AUTS2: variants seen among roughly 807,000 people sequenced by gnomAD.
AUTS2 encodes autism susceptibility gene 2 protein.
A neutral mutation model predicts 112.4 loss-of-function variants in AUTS2; 17 were observed. The ratio of observed to expected loss-of-function variants is 0.15; its 90% CI spans 0.10 to 0.23. The LOEUF (loss-of-function observed/expected upper bound fraction) is 0.23. AUTS2 is among the 10% of genes least tolerant of loss of function. The pLI is 1.00. For synonymous variants in AUTS2, 751 were observed against 702.7 expected (o/e 1.07, Z -1.09); for missense variants, 1,510 against 1,701.6 (o/e 0.89, Z 1.98).
intron 5 of AUTS2, among the ~76,000 whole-genome samples, chr7:70,545,862 G>C (rs1041114770): frequency 2.0e-5 from 3 of 152,260 alleles, no homozygotes; most frequent in East Asian, 1.9e-4. Flanking sequence ...TAGAAGGAGT[G>C]GGGGGAGTGG....
chr7:70,665,865 C>G (rs1372081320), intron 5 of AUTS2, among the ~76,000 whole-genome samples: 1 of 152,138 alleles, frequency 6.6e-6, no homozygotes, highest in Non-Finnish European at 1.5e-5. Context: ...GTCCTGGAAC[C>G]AATTCTTCAC....
In AUTS2 at chr7:70,607,379, C is replaced by G. The variant is rs543385107; in HGVS notation, c.691-91190C>G. Among the ~76,000 whole-genome samples the G allele has an allele frequency of 3.3e-5, 5 of 152,150 alleles. No individual in the cohort carries two copies. In the South Asian group the frequency reaches 8.3e-4, roughly 25 times the overall value. ...TGGAAAGCCTATATTTAAAAACGAA[C>G]CTAGTGGAGGTGTATGATACAGAGG... is the stretch of plus-strand genomic sequence containing the variant. On this transcript the variant is annotated intron_variant, in intron 5 of 18. Transcript: ENST00000342771.
chr7:70,222,142 C>T (rs1354846919), intron 4 of AUTS2, among the ~76,000 whole-genome samples: 2 of 152,108 alleles, frequency 1.3e-5, no homozygotes, highest in Non-Finnish European at 2.9e-5. Context: ...CTATTATGCT[C>T]CAGCATTTTA....
At chr7:70,211,348 T>A (rs200521617) in intron 4 of AUTS2, among the ~76,000 whole-genome samples, 19 of 95,326 alleles carry the variant, frequency 2.0e-4, no homozygotes, top group East Asian at 1.9e-3. Flanking sequence ...TTTTTTTTTT[T>A]AAAAGAAAAA....
chr7:70,000,885 G>A (rs1480142236), intron 2 of AUTS2, among the ~76,000 whole-genome samples: 1 of 151,952 alleles, frequency 6.6e-6, no homozygotes, highest in East Asian at 1.9e-4. Flanking sequence ...AGAAAAATTG[G>A]TAATGACTGA....
chr7:70,553,134 CT>C (rs1446848173), intron 5 of AUTS2, among the ~76,000 whole-genome samples: 1 of 152,174 alleles, frequency 6.6e-6, no homozygotes, highest in African/African-American at 2.4e-5. Flanking sequence ...GAAGAATGGA[CT>C]TGTCAGCAGA....
chr7:70,145,761 A>G (rs896163437), intron 4 of AUTS2, among the ~76,000 whole-genome samples: 3 of 152,094 alleles, frequency 2.0e-5, no homozygotes, highest in South Asian at 4.1e-4. Context: ...CTTGGGTCAC[A>G]TTTACTTCTG....
intron 4 of AUTS2, among the ~76,000 whole-genome samples, chr7:70,173,372 A>G (rs992744658): frequency 1.3e-5 from 2 of 152,074 alleles, no homozygotes; most frequent in Non-Finnish European, 2.9e-5. Context: ...AAAAAAAAAA[A>G]AAAGAAAGAG....
intron 1 of AUTS2, among the ~76,000 whole-genome samples, chr7:69,665,525 G>A (rs897185873): frequency 9.9e-5 from 15 of 152,180 alleles, no homozygotes; most frequent in South Asian, 6.2e-4. Flanking sequence ...CACTTACATA[G>A]TCAGGATCAT....
intron 5 of AUTS2, among the ~76,000 whole-genome samples, chr7:70,634,261 G>A (rs1805423299): frequency 6.6e-6 from 1 of 152,218 alleles, no homozygotes; most frequent in Admixed American, 6.5e-5. Flanking sequence ...TGTGAAAGGG[G>A]CGTGTGAGCC....
intron 4 of AUTS2, among the ~76,000 whole-genome samples, chr7:70,171,811 G>T (rs1210581759): frequency 6.6e-6 from 1 of 151,978 alleles, no homozygotes; most frequent in South Asian, 2.1e-4. Flanking sequence ...TGATTTTAAG[G>T]CTCACTTATC....
intron 4 of AUTS2, among the ~76,000 whole-genome samples, chr7:70,313,916 A>G (rs1023008673): frequency 6.6e-6 from 1 of 152,162 alleles, no homozygotes; most frequent in Non-Finnish European, 1.5e-5. Flanking sequence ...TCTCATAAAG[A>G]ACTCCCACAG....
chr7:70,397,111 T>C (rs1409369371), intron 4 of AUTS2, among the ~76,000 whole-genome samples: 1 of 151,908 alleles, frequency 6.6e-6, no homozygotes, highest in Non-Finnish European at 1.5e-5. Flanking sequence ...TTGCCCAAGC[T>C]GGAGCTCAAT....
intron 1 of AUTS2, among the ~76,000 whole-genome samples, chr7:69,707,845 T>C (rs1798137149): frequency 6.6e-6 from 1 of 152,208 alleles, no homozygotes; most frequent in Non-Finnish European, 1.5e-5. Flanking sequence ...TTAACCCCAT[T>C]TGGGCTTTGC....
intron 5 of AUTS2, among the ~76,000 whole-genome samples, chr7:70,553,766 T>TC: frequency 7.2e-6 from 1 of 138,042 alleles, no homozygotes; most frequent in African/African-American, 2.8e-5. Context: ...CTTTCTTTTT[T>TC]TTTTTTTTTT....
chr7:69,876,894 C>G (rs941033396), intron 1 of AUTS2, among the ~76,000 whole-genome samples: 5 of 152,024 alleles, frequency 3.3e-5, no homozygotes, highest in African/African-American at 1.2e-4. Flanking sequence ...TTCAGATAGG[C>G]AAATCTCTGA....
At chr7:70,416,267 A>G (rs1342838266) in intron 4 of AUTS2, among the ~76,000 whole-genome samples, 1 of 152,250 alleles carries the variant, frequency 6.6e-6, no homozygotes, top group Non-Finnish European at 1.5e-5. Context: ...TAGCATAACT[A>G]CAACAACCCA....
chr7:70,146,665 T>C (rs1320398022), intron 4 of AUTS2, among the ~76,000 whole-genome samples: 1 of 152,166 alleles, frequency 6.6e-6, no homozygotes, highest in Non-Finnish European at 1.5e-5. Context: ...CACTGATTGC[T>C]AAACATATAT....
intron 1 of AUTS2, among the ~76,000 whole-genome samples, chr7:69,894,673 TGA>T (rs961641726): frequency 6.6e-6 from 1 of 152,202 alleles, no homozygotes; most frequent in Non-Finnish European, 1.5e-5. Context: ...ATCTTTCACA[TGA>T]GAGTTTTTTC....
Sources: allele counts gnomAD v4.1 joint callset (sites outside exome capture counted in the v4.1 genomes callset), GRCh38; gene constraint gnomAD v4.1.1; transcripts MANE v1.5; gene names NCBI Gene and HGNC (gene_info 2026-07-23, HGNC 2026-07-21).